Variants in DDX60 observed in about 807,000 individuals in gnomAD.
DDX60 encodes probable ATP-dependent RNA helicase DDX60.
A neutral mutation model predicts 212.8 loss-of-function variants in DDX60; 165 were observed. The observed-to-expected ratio is 0.78, with a 90% CI of 0.68 to 0.88. The LOEUF (loss-of-function observed/expected upper bound fraction) is 0.88. DDX60 is among the 40% of genes least tolerant of loss of function. The pLI is 0.00. For missense variants in DDX60, 1,905 were observed against 2,003.9 expected (o/e 0.95, Z 0.94); for synonymous variants, 703 against 685.3 (o/e 1.03, Z -0.40).
In DDX60 at chr4:168,308,069, C is replaced by A; in HGVS notation, c.201G>T (p.Leu67=). 6.2e-7 allele frequency: 1 copy of A among 1,611,704 alleles called. No individual in the cohort carries two copies. The highest frequency in any genetic ancestry group is 1.7e-4 in the Middle Eastern group (1 of 6,058). The change falls in exon 4 of 38, where the codon CTG becomes CTT. Residue 67 remains leucine, a synonymous_variant. Coordinates refer to ENST00000393743, the MANE Select transcript of DDX60 (RefSeq NM_017631.6). The stretch of plus-strand genomic sequence containing the variant: ...TAAGATCCACAAGATAGCGTTCAAC[C>A]AGATAGAAGAAATGGAGGTTCTGCC... ...KPGQNLHFFY[L]VERYLVDLIS... is the part of the protein sequence containing the mutation.
At chr4:168,241,204 T>G (rs1733824405) in intron 30 of DDX60, among the ~76,000 whole-genome samples, 1 of 152,212 alleles carries the variant, frequency 6.6e-6, no homozygotes, top group African/African-American at 2.4e-5. Flanking sequence ...ATTAAAACTC[T>G]TTCTTTTGTA....
Position 168,298,001 on chromosome 4 carries a change from C to T in DDX60, c.724-4056G>A, listed in dbSNP as rs185742309. On this transcript the variant is annotated intron_variant, in intron 6 of 37. Coordinates refer to ENST00000393743, the MANE Select transcript of DDX60 (RefSeq NM_017631.6). The stretch of plus-strand genomic sequence containing the variant: ...ACCCACTATACACAATAAATGAGTG[C>T]TAATGGATACTGAGAAAAATTAAAA... Among the ~76,000 whole-genome samples the T allele has an allele frequency of 4.4e-3, 672 of 151,400 alleles. 5 individuals are homozygous for T. Among genetic ancestry groups the T allele is most frequent in the Non-Finnish European group, 7.7e-3 (522 of 67,818 alleles).
At position 168,216,966 on chromosome 4, in the gene DDX60, ACTCAGTTGTTCAAAGG is replaced by A; in HGVS notation, c.5090_5105del (p.Ala1697ValfsTer8). ...TGTTTAACTTTTCCCAAAAAGTTGT[ACTCAGTTGTTCAAAGG>A]CTAAGACAACGTTGTCGTCTTCATT... On this transcript the variant is annotated frameshift_variant, in exon 38 of 38. Transcript: ENST00000393743. LOFTEE classifies it low-confidence loss of function (END_TRUNC). 6.2e-7 allele frequency: 1 copy of A among 1,605,018 alleles called. No individual in the cohort carries two copies. Among genetic ancestry groups the A allele is most frequent in the Non-Finnish European group, 8.5e-7 (1 of 1,177,214 alleles).
At chr4:168,275,856 T>C (rs1162643245) in intron 15 of DDX60, among the ~76,000 whole-genome samples, 159 bp downstream of exon 15, 3 of 152,002 alleles carry the variant, frequency 2.0e-5, no homozygotes, top group African/African-American at 7.3e-5. Flanking sequence ...AATTTTCTCA[T>C]TATGTATTAC....
rs1303721022 is a variant in DDX60 at position 168,280,549 on chromosome 4, C to T, written c.1764G>A (p.Arg588=). 8 of 1,613,716 alleles carry T rather than the reference C, an allele frequency of 5.0e-6. No individual in the cohort carries two copies. In the Admixed American group the frequency reaches 1.3e-4, roughly 27 times the overall value. Residue 588 remains arginine, a synonymous_variant, in exon 14 of 38, where the codon AGG becomes AGA. Transcript: ENST00000393743. ...CCTTTTGTTCTTCCCTGGCAAATAA[C>T]CTTTTCTTATTCTCTCTAGCAATTA... is the stretch of plus-strand genomic sequence containing the variant. The part of the protein sequence containing the change: ...AEIIARENKK[R]LFAREEQKEE...
chr4:168,289,462 C>T (rs182539168), intron 8 of DDX60, among the ~76,000 whole-genome samples: 4 of 152,294 alleles, frequency 2.6e-5, no homozygotes, highest in Admixed American at 2.0e-4. Flanking sequence ...AATATTTGAA[C>T]TCCCTGTCCT....
At position 168,294,037 on chromosome 4, in the gene DDX60, T is replaced by C. The variant is rs1736232286; in HGVS notation, c.724-92A>G. 4 of 1,147,014 alleles carry C rather than the reference T, an allele frequency of 3.5e-6. No individual in the cohort carries two copies. The Admixed American group carries it at 1.2e-4, about 35-fold the overall frequency. The allele number at this position is 1,147,014 out of a possible 1,614,324, so 71.1% of individuals were successfully genotyped here. A position where few individuals can be genotyped will look rare whatever the true frequency, so the allele number is the denominator to read the frequency against. ...TACTAGTGGGTACTACTAGGCTTAA[T>C]ACATGTGTGACAAAATAATCTGTAC... On this transcript the variant is annotated intron_variant, in intron 6 of 37. Transcript: ENST00000393743.
intron 18 of DDX60, 76 bp from the exon 19 acceptor site, chr4:168,272,214 G>A (rs1735132116): frequency 8.4e-7 from 1 of 1,193,754 alleles, no homozygotes. Context: ...GAATATGTAA[G>A]ATAGACTTAT....
At chr4:168,223,966 C>T (rs1325985403) in intron 35 of DDX60, among the ~76,000 whole-genome samples, 1 of 151,890 alleles carries the variant, frequency 6.6e-6, no homozygotes, top group African/African-American at 2.4e-5. Context: ...TGTGCTACTT[C>T]CACAGAAAAC....
intron 6 of DDX60, among the ~76,000 whole-genome samples, chr4:168,294,387 A>C (rs1463419668): frequency 6.6e-6 from 1 of 152,246 alleles, no homozygotes; most frequent in Non-Finnish European, 1.5e-5. Flanking sequence ...AAGCACAGGC[A>C]ACAAAAGCAA....
At chr4:168,280,707 G>A (rs1579043485) in intron 13 of DDX60, 117 bp from the exon 14 acceptor site, 1 of 1,166,638 alleles carries the variant, frequency 8.6e-7, no homozygotes, top group East Asian at 2.5e-5. Context: ...CCCATTTTGA[G>A]TAGATGTGAA....
At chr4:168,291,937 G>A in intron 7 of DDX60, 31 bp from the exon 8 acceptor site, 2 of 1,540,678 alleles carry the variant, frequency 1.3e-6, no homozygotes, top group Non-Finnish European at 1.8e-6. Context: ...ATAAGCCAGA[G>A]AACAGCAGGG....
intron 8 of DDX60, 46 bp from the exon 9 acceptor site, chr4:168,288,361 G>A (rs890761592): frequency 1.5e-6 from 2 of 1,315,158 alleles, no homozygotes; most frequent in Non-Finnish European, 2.1e-6. Flanking sequence ...ATTCATATTA[G>A]CAATAAACTA....
chr4:168,308,722 CATAG>C (rs1348718277), intron 3 of DDX60, among the ~76,000 whole-genome samples: 4 of 147,852 alleles, frequency 2.7e-5, no homozygotes, highest in Non-Finnish European at 4.5e-5. Context: ...ATATATTATA[CATAG>C]ATACACACCA....
At chr4:168,279,295 A>G (rs1735485461) in intron 14 of DDX60, among the ~76,000 whole-genome samples, 1 of 152,234 alleles carries the variant, frequency 6.6e-6, no homozygotes, top group African/African-American at 2.4e-5. Context: ...AATACTAGAC[A>G]ATGCACCTAG....
Position 168,256,909 on chromosome 4 carries a change from T to G in DDX60, c.3399-1040A>C, listed in dbSNP as rs1271624480. ...AACATCAAAAGGAAATGTGTTTAGCTACTAAACAGTAAATAAACTGGCACA... is the reference window on the plus strand; with the variant it reads ...AACATCAAAAGGAAATGTGTTTAGCGACTAAACAGTAAATAAACTGGCACA... On this transcript the variant is annotated intron_variant, in intron 25 of 37. Coordinates refer to ENST00000393743, the MANE Select transcript of DDX60 (RefSeq NM_017631.6). Among the ~76,000 whole-genome samples, 3 of 152,264 alleles carry G rather than the reference T, an allele frequency of 2.0e-5. No homozygotes were observed. In the East Asian group the frequency reaches 5.8e-4, roughly 29 times the overall value.
intron 22 of DDX60, chr4:168,263,749 T>C (rs531174851): frequency 1.3e-5 from 2 of 152,340 alleles, no homozygotes; most frequent in South Asian, 4.2e-4. Flanking sequence ...TCCCAGGGCC[T>C]TGACCTTGGA....
At position 168,267,892 on chromosome 4, in the gene DDX60, C is replaced by T. The variant is rs149018020; in HGVS notation, c.2878G>A (p.Gly960Ser). 8.5e-5 allele frequency: 137 copies of T among 1,613,370 alleles called. No homozygotes were observed. The East Asian group carries it at 1.9e-3, about 23-fold the overall frequency. ...ASKRHVGRQA[G>S]FPKDYLQVKQ... ...ACTTGCAAGTAGTCTTTGGGAAAGC[C>T]GGCCTGACGACCCACATGTCTTTTA... The change falls in exon 21 of 38, where the codon GGC becomes AGC. Residue 960 changes from glycine (G) to serine (S), a missense_variant. Gly to Ser is a moderately conservative substitution (Grantham distance 56, BLOSUM62 0). Transcript: ENST00000393743.
At chr4:168,282,616 CT>C (rs1189109113) in intron 13 of DDX60, among the ~76,000 whole-genome samples, 1 of 151,984 alleles carries the variant, frequency 6.6e-6, no homozygotes, top group Non-Finnish European at 1.5e-5. Flanking sequence ...TTGAGAGAAA[CT>C]TTTTTGTGAA....
Sources: gnomAD v4.1 joint callset for allele counts (sites outside exome capture counted in the v4.1 genomes callset) on GRCh38, gnomAD v4.1.1 for gene constraint, MANE v1.5 for transcripts, NCBI Gene and HGNC (gene_info 2026-07-23, HGNC 2026-07-21) for gene names.